The following CREB5 variants were observed in gnomAD, a reference collection of about 807,000 sequenced individuals.
CREB5 encodes cAMP responsive element binding protein 5.
CREB5 carries 19 observed loss-of-function variants against 57.1 expected under a neutral mutation model. That is an observed-to-expected ratio of 0.33 (90% CI 0.23 to 0.49). The LOEUF is 0.49. CREB5 is among the 20% of genes least tolerant of loss of function. The probability of loss-of-function intolerance (pLI) is 0.99; values close to 1 mark genes in which losing one functional copy is unlikely to be tolerated. For missense variants in CREB5, 579 were observed against 671.6 expected (o/e 0.86, Z 1.52); for synonymous variants, 238 against 238.3 (o/e 1.00, Z 0.01).
intron 1 of CREB5, among the ~76,000 whole-genome samples, chr7:28,396,821 C>G (rs368353841): frequency 3.3e-5 from 5 of 152,314 alleles, no homozygotes; most frequent in African/African-American, 7.2e-5. Flanking sequence ...GAATTCTTCT[C>G]TGGCCCTGTC....
chr7:28,643,779 C>T (rs867490909), intron 5 of CREB5, among the ~76,000 whole-genome samples: 1 of 134,438 alleles, frequency 7.4e-6, no homozygotes, highest in Non-Finnish European at 1.6e-5. Flanking sequence ...AAAAAAAAAA[C>T]ACACAAACCT....
chr7:28,635,780 C>T (rs1263744056), intron 5 of CREB5, among the ~76,000 whole-genome samples: 1 of 152,162 alleles, frequency 6.6e-6, no homozygotes, highest in East Asian at 1.9e-4. Flanking sequence ...TTCATTCATT[C>T]ATATTGTTTT....
chr7:28,400,355 A>G (rs1341095799), intron 1 of CREB5, among the ~76,000 whole-genome samples: 1 of 152,242 alleles, frequency 6.6e-6, no homozygotes, highest in African/African-American at 2.4e-5. Flanking sequence ...AACATGATGG[A>G]AGATATAACA....
chr7:28,664,443 C>T (rs1036228781), intron 5 of CREB5, among the ~76,000 whole-genome samples: 6 of 152,076 alleles, frequency 3.9e-5, no homozygotes, highest in Admixed American at 6.6e-5. Context: ...TCTCTCCTTT[C>T]CTTCCTCTCT....
At chr7:28,782,005 A>G (rs1291178814) in intron 7 of CREB5, among the ~76,000 whole-genome samples, 1 of 151,256 alleles carries the variant, frequency 6.6e-6, no homozygotes, top group African/African-American at 2.4e-5. Flanking sequence ...GCCTCACGAG[A>G]TCTACCCCTC....
At chr7:28,609,277 G>A (rs1361308463) in intron 5 of CREB5, among the ~76,000 whole-genome samples, 1 of 152,178 alleles carries the variant, frequency 6.6e-6, no homozygotes, top group Admixed American at 6.5e-5. Context: ...TCCTATGTCT[G>A]TGGGGCAGTC....
chr7:28,481,560 C>T lies in CREB5; in HGVS notation c.4-6615C>T, dbSNP rs540369253. ...GTTTGAAAACCTTGTAGCATTCAGG[C>T]GTTTCAAGCTTGAGGGCTGAAATGT... On this transcript the variant is annotated intron_variant, in intron 1 of 10. Coordinates refer to ENST00000357727, the MANE Select transcript of CREB5 (RefSeq NM_182898.4). Among the ~76,000 whole-genome samples the T allele has an allele frequency of 3.3e-5, 5 of 152,238 alleles. No individual in the cohort carries two copies. The South Asian group carries it at 1.0e-3, about 32-fold the overall frequency.
intron 1 of CREB5, among the ~76,000 whole-genome samples, chr7:28,364,906 C>T (rs1786556864): frequency 6.6e-6 from 1 of 152,158 alleles, no homozygotes; most frequent in Non-Finnish European, 1.5e-5. Context: ...TTATAGCCCT[C>T]TTCTACTAGC....
At chr7:28,577,959 A>G (rs1357270005) in intron 5 of CREB5, among the ~76,000 whole-genome samples, 1 of 152,210 alleles carries the variant, frequency 6.6e-6, no homozygotes, top group Non-Finnish European at 1.5e-5. Flanking sequence ...TAGAAAAACA[A>G]CTAAAATAGT....
At chr7:28,621,210 G>A (rs1311018129) in intron 5 of CREB5, among the ~76,000 whole-genome samples, 3 of 152,062 alleles carry the variant, frequency 2.0e-5, no homozygotes, top group Admixed American at 6.6e-5. Context: ...GGGGGTCACA[G>A]GGCATCCACA....
chr7:28,645,137 A>G (rs1798841150), intron 5 of CREB5, among the ~76,000 whole-genome samples: 1 of 152,184 alleles, frequency 6.6e-6, no homozygotes, highest in Non-Finnish European at 1.5e-5. Context: ...GCTGAGTAAT[A>G]AAGAATAAGC....
intron 1 of CREB5, among the ~76,000 whole-genome samples, chr7:28,456,532 G>A (rs1255824387): frequency 6.6e-6 from 1 of 152,128 alleles, no homozygotes; most frequent in African/African-American, 2.4e-5. Flanking sequence ...TCATTGTGAA[G>A]GATTGCCTGC....
chr7:28,646,744 T>C (rs905559627), intron 5 of CREB5, among the ~76,000 whole-genome samples: 1 of 152,162 alleles, frequency 6.6e-6, no homozygotes, highest in African/African-American at 2.4e-5. Context: ...ATGTGTTTTT[T>C]TTAATGTTCT....
intron 1 of CREB5, among the ~76,000 whole-genome samples, chr7:28,391,324 C>A (rs1311770941): frequency 6.6e-6 from 1 of 152,260 alleles, no homozygotes; most frequent in Non-Finnish European, 1.5e-5. Context: ...CAGTGTGGCA[C>A]ATAAGCACTT....
At chr7:28,679,695 T>A (rs527250947) in intron 5 of CREB5, among the ~76,000 whole-genome samples, 1 of 152,276 alleles carries the variant, frequency 6.6e-6, no homozygotes, top group African/African-American at 2.4e-5. Context: ...CTCTCCTGAT[T>A]CCAGGGCCGG....
At chr7:28,469,314 A>G (rs1443059829) in intron 1 of CREB5, among the ~76,000 whole-genome samples, 3 of 152,234 alleles carry the variant, frequency 2.0e-5, no homozygotes, top group Non-Finnish European at 2.9e-5. Context: ...AAATACGCCT[A>G]TGGATTTACT....
intron 1 of CREB5, among the ~76,000 whole-genome samples, chr7:28,341,581 A>G (rs868135342): frequency 6.2e-4 from 95 of 152,292 alleles, no homozygotes; most frequent in African/African-American, 2.2e-3. Flanking sequence ...ATCGGCTTTC[A>G]TCTTGGCTCA....
chr7:28,374,982 T>C (rs569502691), intron 1 of CREB5, among the ~76,000 whole-genome samples: 1 of 152,308 alleles, frequency 6.6e-6, no homozygotes, highest in Non-Finnish European at 1.5e-5. Context: ...CAGTTGGCTC[T>C]CTTCTGCCCC....
At chr7:28,695,207 A>G (rs1325083036) in intron 5 of CREB5, among the ~76,000 whole-genome samples, 1 of 152,152 alleles carries the variant, frequency 6.6e-6, no homozygotes, top group African/African-American at 2.4e-5. Flanking sequence ...AGCCTGGGCC[A>G]CAGAGCTAGA....
Sources: gnomAD v4.1 joint callset for allele counts (sites outside exome capture counted in the v4.1 genomes callset) on GRCh38, gnomAD v4.1.1 for gene constraint, MANE v1.5 for transcripts, NCBI Gene and HGNC (gene_info 2026-07-23, HGNC 2026-07-21) for gene names.